Variants in MAGI2 observed in about 807,000 individuals in gnomAD.
MAGI2 encodes the protein membrane-associated guanylate kinase, WW and PDZ domain-containing protein 2.
A neutral mutation model predicts 133.3 loss-of-function variants in MAGI2; 35 were observed. The ratio of observed to expected loss-of-function variants is 0.26; its 90% CI spans 0.20 to 0.35. MAGI2 has a LOEUF of 0.35. Among genes scored for constraint, MAGI2 ranks in the 10% least tolerant of loss-of-function variants. The pLI, the probability that MAGI2 is intolerant of heterozygous loss-of-function variation, is 1.00. For missense variants in MAGI2, 1,636 were observed against 1,863.4 expected, an observed-to-expected ratio of 0.88 and a Z score of 2.25; for synonymous variants, 729 against 710.6, an observed-to-expected ratio of 1.03 and a Z score of -0.41.
chr7:79,159,991 C>G (rs1005841134), intron 1 of MAGI2, among the ~76,000 whole-genome samples: 1 of 152,024 alleles, frequency 6.6e-6, no homozygotes, highest in Non-Finnish European at 1.5e-5. Flanking sequence ...AGGTACTTAT[C>G]AGATTGGTAG....
intron 6 of MAGI2, among the ~76,000 whole-genome samples, chr7:78,370,196 A>T (rs9986736): frequency 0.83 from 126,299 of 152,054 alleles, 52,623 homozygotes; most frequent in African/African-American, 0.88. Flanking sequence ...GTTAATATTT[A>T]GGTGAATATC....
intron 21 of MAGI2, chr7:78,073,105 A>G: frequency 5.0e-6 from 2 of 396,200 alleles, no homozygotes; most frequent in East Asian, 7.2e-5. Context: ...TTAACTAAAC[A>G]ACTGTTTGAT....
chr7:78,323,872 G>A (rs1277827960), intron 9 of MAGI2, among the ~76,000 whole-genome samples: 1 of 152,066 alleles, frequency 6.6e-6, no homozygotes, highest in African/African-American at 2.4e-5. Context: ...GGATATATTT[G>A]CTGGCTTTTT....
chr7:78,997,900 A>G (rs1806472193), intron 2 of MAGI2, among the ~76,000 whole-genome samples: 1 of 152,240 alleles, frequency 6.6e-6, no homozygotes, highest in Non-Finnish European at 1.5e-5. Flanking sequence ...AAAGATTACA[A>G]TAACATTTTT....
chr7:78,731,351 T>C (rs932445188), intron 2 of MAGI2, among the ~76,000 whole-genome samples: 1 of 152,156 alleles, frequency 6.6e-6, no homozygotes, highest in Non-Finnish European at 1.5e-5. Flanking sequence ...AAAAGCTTTA[T>C]CTCTACTTGG....
At chr7:78,777,365 T>A (rs1282736024) in intron 2 of MAGI2, among the ~76,000 whole-genome samples, 1 of 152,190 alleles carries the variant, frequency 6.6e-6, no homozygotes, top group Non-Finnish European at 1.5e-5. Flanking sequence ...ATATCAGTTG[T>A]ATAGTTATCA....
intron 10 of MAGI2, among the ~76,000 whole-genome samples, chr7:78,223,181 C>G (rs1487081187): frequency 1.3e-5 from 2 of 152,152 alleles, no homozygotes; most frequent in Non-Finnish European, 2.9e-5. Context: ...CTTTTGAGTT[C>G]TAAGCCTGTA....
chr7:78,489,683 C>A, intron 6 of MAGI2, 78 bp downstream of exon 6: 1 of 1,029,534 alleles, frequency 9.7e-7, no homozygotes, highest in South Asian at 1.4e-5. Flanking sequence ...ATTGCCTCTT[C>A]AGGTGAGACT....
chr7:78,060,924 G>T (rs1192316161), intron 21 of MAGI2, among the ~76,000 whole-genome samples: 1 of 152,084 alleles, frequency 6.6e-6, no homozygotes, highest in East Asian at 1.9e-4. Flanking sequence ...CCAACACTAT[G>T]GGGGGCCAAG....
intron 1 of MAGI2, chr7:79,139,986 C>G (rs1821964788): frequency 6.6e-6 from 1 of 152,178 alleles, no homozygotes; most frequent in Non-Finnish European, 1.5e-5. Context: ...AAATGCTGCT[C>G]TGATACCCTG....
chr7:78,969,210 G>C (rs1286418039), intron 2 of MAGI2, among the ~76,000 whole-genome samples: 4 of 151,256 alleles, frequency 2.6e-5, no homozygotes, highest in African/African-American at 7.3e-5. Context: ...TAAAAGATTA[G>C]GGTAGGAGGG....
chr7:78,453,622 C>G (rs1463620416), intron 6 of MAGI2, among the ~76,000 whole-genome samples: 2 of 152,156 alleles, frequency 1.3e-5, no homozygotes, highest in South Asian at 4.1e-4. Context: ...ATACCTCCCC[C>G]GCTGACCTCC....
At chr7:79,163,382 C>T (rs908089002) in intron 1 of MAGI2, among the ~76,000 whole-genome samples, 3 of 152,066 alleles carry the variant, frequency 2.0e-5, no homozygotes, top group Non-Finnish European at 4.4e-5. Flanking sequence ...CCATGTTGGC[C>T]AGGCTGGTTG....
At position 78,623,961 on chromosome 7, in the gene MAGI2, T is replaced by C. The variant is rs189771422; in HGVS notation, c.538+3159A>G. Among the ~76,000 whole-genome samples the C allele has an allele frequency of 5.9e-5, 9 of 152,236 alleles. No homozygotes were observed. The South Asian group carries it at 8.3e-4, about 14-fold the overall frequency. On this transcript the variant is annotated intron_variant, in intron 3 of 21. Coordinates refer to ENST00000354212, the MANE Select transcript of MAGI2 (RefSeq NM_012301.4). ...ATAACAAAACCTACCGTTCTATCAA[T>C]TGTATAAAAGTACAGCAACCTCACT...
At chr7:79,153,501 A>G (rs1310707287) in intron 1 of MAGI2, among the ~76,000 whole-genome samples, 1 of 152,192 alleles carries the variant, frequency 6.6e-6, no homozygotes, top group Non-Finnish European at 1.5e-5. Flanking sequence ...AGTCACAGAG[A>G]GAGCAGGAAA....
chr7:79,039,248 G>T (rs913366938), intron 1 of MAGI2, among the ~76,000 whole-genome samples: 3 of 152,074 alleles, frequency 2.0e-5, no homozygotes, highest in Admixed American at 1.3e-4. Flanking sequence ...GGACATGTTT[G>T]CTCCCACTTC....
intron 3 of MAGI2, among the ~76,000 whole-genome samples, chr7:78,569,666 G>A (rs754362978): frequency 2.6e-5 from 4 of 152,004 alleles, no homozygotes; most frequent in Non-Finnish European, 4.4e-5. Context: ...TTATTCAAAC[G>A]ATTATTTTTG....
chr7:79,250,364 G>T (rs1022843681), intron 1 of MAGI2, among the ~76,000 whole-genome samples: 3 of 126,446 alleles, frequency 2.4e-5, no homozygotes, highest in African/African-American at 2.8e-5. Context: ...AAAAAAAAAA[G>T]AAAACAAACA....
chr7:79,055,558 T>A (rs545009552), intron 1 of MAGI2, among the ~76,000 whole-genome samples: 18 of 152,128 alleles, frequency 1.2e-4, no homozygotes, highest in African/African-American at 4.3e-4. Context: ...GAACACACTT[T>A]TTTTTTTTTG....
Sources: allele counts gnomAD v4.1 joint callset (sites outside exome capture counted in the v4.1 genomes callset), GRCh38; gene constraint gnomAD v4.1.1; transcripts MANE v1.5; gene names NCBI Gene and HGNC (gene_info 2026-07-23, HGNC 2026-07-21).